Variants in P4HA1 observed in about 807,000 individuals in gnomAD.
P4HA1 encodes prolyl 4-hydroxylase subunit alpha 1, also known as prolyl 4-hydroxylase subunit alpha-1.
In P4HA1, 24 loss-of-function variants were observed where a neutral mutation model predicts 72.8. The ratio of observed to expected loss-of-function variants is 0.33; its 90% CI spans 0.24 to 0.46. The LOEUF is 0.46. Among genes scored for constraint, P4HA1 ranks in the 20% least tolerant of loss-of-function variants. The probability of loss-of-function intolerance (pLI) is 1.00; values close to 1 mark genes in which losing one functional copy is unlikely to be tolerated. For missense variants in P4HA1, 446 were observed against 640.6 expected (o/e 0.70, Z 3.28); for synonymous variants, 201 against 218.8 (o/e 0.92, Z 0.72).
At chr10:73,028,423 AAC>A (rs1840346507) in intron 10 of P4HA1, among the ~76,000 whole-genome samples, 1 of 151,950 alleles carries the variant, frequency 6.6e-6, no homozygotes, top group Admixed American at 6.6e-5. Context: ...CTGATAAATT[AAC>A]AGTTTATTTA....
intron 9 of P4HA1, among the ~76,000 whole-genome samples, chr10:73,039,870 T>TTC (rs1275857610): frequency 6.8e-6 from 1 of 147,096 alleles, no homozygotes; most frequent in African/African-American, 2.5e-5. Flanking sequence ...TTTTTTTTTT[T>TTC]TTTTTTTTGA....
chr10:73,008,893 A>G (rs1839851697), intron 14 of P4HA1, among the ~76,000 whole-genome samples: 1 of 151,344 alleles, frequency 6.6e-6, no homozygotes, highest in South Asian at 2.1e-4. Flanking sequence ...TTAATTCTTA[A>G]CTCTTTTTCC....
intron 1 of P4HA1, among the ~76,000 whole-genome samples, chr10:73,091,503 T>A (rs1190307233): frequency 6.6e-6 from 1 of 152,134 alleles, no homozygotes; most frequent in Non-Finnish European, 1.5e-5. Context: ...TTTGGAGAAA[T>A]TAGATATGCA....
intron 11 of P4HA1, among the ~76,000 whole-genome samples, chr10:73,014,878 G>A (rs1197535930): frequency 6.6e-6 from 1 of 150,524 alleles, no homozygotes; most frequent in African/African-American, 2.4e-5. Flanking sequence ...GCCCAGGCTG[G>A]AGTGCAGTGC....
chr10:73,037,571 A>ATATATT (rs1238501206), intron 9 of P4HA1, among the ~76,000 whole-genome samples: 2 of 30,612 alleles, frequency 6.5e-5, no homozygotes, highest in Non-Finnish European at 1.2e-4. Context: ...ATATATATAT[A>ATATATT]TTTTTTTTTT....
chr10:73,050,015 A>G (rs1337904275), intron 7 of P4HA1, among the ~76,000 whole-genome samples: 4 of 151,946 alleles, frequency 2.6e-5, no homozygotes, highest in African/African-American at 4.8e-5. Flanking sequence ...AATACAAAAA[A>G]GTTAGCCGGG....
At chr10:73,079,102 G>A (rs1049508335) in intron 1 of P4HA1, among the ~76,000 whole-genome samples, 2 of 152,180 alleles carry the variant, frequency 1.3e-5, no homozygotes, top group Admixed American at 6.5e-5. Context: ...ATAAGGTTTT[G>A]AGCATGTTCC....
intron 5 of P4HA1, among the ~76,000 whole-genome samples, chr10:73,055,945 T>C (rs1191937159): frequency 6.6e-6 from 1 of 152,196 alleles, no homozygotes; most frequent in Non-Finnish European, 1.5e-5. Flanking sequence ...ATGGAATCTG[T>C]TCCATACACC....
chr10:73,029,587 T>A (rs1840384116), intron 10 of P4HA1, among the ~76,000 whole-genome samples: 1 of 150,398 alleles, frequency 6.6e-6, no homozygotes, highest in Admixed American at 6.6e-5. Context: ...TAAATAACGC[T>A]GACAAAGGGG....
At chr10:73,056,975 G>T (rs1475889393) in intron 5 of P4HA1, among the ~76,000 whole-genome samples, 1 of 149,302 alleles carries the variant, frequency 6.7e-6, no homozygotes, top group African/African-American at 2.5e-5. Flanking sequence ...CAGGAGAATG[G>T]TGTGAACCCA....
intron 1 of P4HA1, among the ~76,000 whole-genome samples, chr10:73,076,841 G>A (rs759465952): frequency 6.4e-4 from 97 of 152,064 alleles, no homozygotes; most frequent in Non-Finnish European, 1.2e-3. Flanking sequence ...CCTCTGACTC[G>A]TCTTCCTATG....
At chr10:73,093,905 TATAC>T (rs199770932) in intron 1 of P4HA1, among the ~76,000 whole-genome samples, 5 of 75,660 alleles carry the variant, frequency 6.6e-5, no homozygotes, top group African/African-American at 1.3e-4. Context: ...TATATATATA[TATAC>T]ACACACACAC....
intron 5 of P4HA1, among the ~76,000 whole-genome samples, chr10:73,056,245 C>A (rs1841145106): frequency 6.6e-6 from 1 of 151,996 alleles, no homozygotes; most frequent in Admixed American, 6.6e-5. Flanking sequence ...GCAGATATAT[C>A]AATTTAATGG....
chr10:73,057,266 A>C (rs1331791881), intron 5 of P4HA1, among the ~76,000 whole-genome samples: 1 of 151,482 alleles, frequency 6.6e-6, no homozygotes, highest in Non-Finnish European at 1.5e-5. Flanking sequence ...CGAAGCAGGC[A>C]GATCATGAGG....
At chr10:73,057,566 G>T (rs1039992417) in intron 5 of P4HA1, among the ~76,000 whole-genome samples, 1 of 152,070 alleles carries the variant, frequency 6.6e-6, no homozygotes, top group Non-Finnish European at 1.5e-5. Flanking sequence ...AATTCTAGAA[G>T]AAGAGAACAG....
chr10:73,043,084 A>C (rs1840774655), intron 9 of P4HA1, among the ~76,000 whole-genome samples: 1 of 152,210 alleles, frequency 6.6e-6, no homozygotes, highest in Admixed American at 6.5e-5. Flanking sequence ...GCTGTGTTAA[A>C]GATAGTATCT....
chr10:73,059,741 T>C (rs1841266542), intron 5 of P4HA1, among the ~76,000 whole-genome samples: 2 of 149,624 alleles, frequency 1.3e-5, no homozygotes. Flanking sequence ...AGACTCCATC[T>C]GAAAAAAATA....
In P4HA1 at chr10:73,078,546, T is replaced by C. The variant is rs113706638; in HGVS notation, c.-32-3631A>G. Reference sequence around the variant, plus strand: ...ACAGTCATAACTATGCAAGAACATATGCAGAGGAAATTCACCAAAGTGTAA... The same window carrying C: ...ACAGTCATAACTATGCAAGAACATACGCAGAGGAAATTCACCAAAGTGTAA... On this transcript the variant is annotated intron_variant, in intron 1 of 14. Coordinates refer to ENST00000394890, the MANE Select transcript of P4HA1 (RefSeq NM_001017962.3). Among the ~76,000 whole-genome samples, 382 of 150,530 alleles carry C rather than the reference T, an allele frequency of 2.5e-3. 3 individuals carry two copies. Among genetic ancestry groups the C allele is most frequent in the Middle Eastern group, 0.017 (5 of 294 alleles).
At chr10:73,084,971 C>G (rs1334419638) in intron 1 of P4HA1, among the ~76,000 whole-genome samples, 1 of 151,958 alleles carries the variant, frequency 6.6e-6, no homozygotes, top group Non-Finnish European at 1.5e-5. Flanking sequence ...GAAACCCAGT[C>G]TTTACAAAAA....
Sources: allele counts gnomAD v4.1 joint callset (sites outside exome capture counted in the v4.1 genomes callset), GRCh38; gene constraint gnomAD v4.1.1; transcripts MANE v1.5; gene names NCBI Gene and HGNC (gene_info 2026-07-23, HGNC 2026-07-21).